PDE3A: variants seen among roughly 807,000 people sequenced by gnomAD.
PDE3A encodes phosphodiesterase 3A.
PDE3A carries 43 observed loss-of-function variants against 98.3 expected under a neutral mutation model. That is an observed-to-expected ratio of 0.44 (90% CI 0.34 to 0.56). The LOEUF (loss-of-function observed/expected upper bound fraction) is 0.56, where lower values mean the gene tolerates loss of function less well. Among genes scored for constraint, PDE3A ranks in the 20% least tolerant of loss-of-function variants. The probability of loss-of-function intolerance (pLI) is 0.01; values close to 1 mark genes in which losing one functional copy is unlikely to be tolerated. For missense variants in PDE3A, 1,427 were observed against 1,440.7 expected (o/e 0.99, Z 0.15); for synonymous variants, 663 against 567.9 (o/e 1.17, Z -2.38).
At chr12:20,627,378 T>A (rs567890821) in intron 5 of PDE3A, among the ~76,000 whole-genome samples, 188 of 151,616 alleles carry the variant, frequency 1.2e-3, no homozygotes, top group Non-Finnish European at 2.0e-3. Context: ...TATCCAGACT[T>A]GCCCAGCAAC....
At chr12:20,403,329 G>A (rs577262610) in intron 1 of PDE3A, among the ~76,000 whole-genome samples, 3 of 152,154 alleles carry the variant, frequency 2.0e-5, no homozygotes, top group East Asian at 1.9e-4. Context: ...TTAGCTGTCC[G>A]GTGTGGTGTG....
chr12:20,570,975 T>A (rs898649337), intron 2 of PDE3A, among the ~76,000 whole-genome samples: 9 of 152,190 alleles, frequency 5.9e-5, no homozygotes, highest in African/African-American at 2.2e-4. Context: ...GTGTTTTAGA[T>A]GAAACTAGAA....
At chr12:20,446,343 T>C (rs1043787720) in intron 1 of PDE3A, among the ~76,000 whole-genome samples, 2 of 152,136 alleles carry the variant, frequency 1.3e-5, no homozygotes, top group Non-Finnish European at 2.9e-5. Flanking sequence ...TGAGGAACCA[T>C]GTGTTGAGTG....
intron 1 of PDE3A, among the ~76,000 whole-genome samples, chr12:20,490,626 AG>A (rs1335041663): frequency 6.6e-6 from 1 of 152,230 alleles, no homozygotes; most frequent in African/African-American, 2.4e-5. Context: ...TGCAATTCAA[AG>A]CAAATTTACT....
chr12:20,643,532 A>G (rs1004564332), intron 10 of PDE3A, among the ~76,000 whole-genome samples: 5 of 152,192 alleles, frequency 3.3e-5, no homozygotes, highest in Non-Finnish European at 5.9e-5. Context: ...CTATTCTTCA[A>G]TCTAAGTGAT....
chr12:20,423,715 T>C (rs1000547389), intron 1 of PDE3A, among the ~76,000 whole-genome samples: 1 of 152,144 alleles, frequency 6.6e-6, no homozygotes, highest in Non-Finnish European at 1.5e-5. Flanking sequence ...CCGTGCCTCC[T>C]CTTAACAGTT....
chr12:20,546,801 T>G (rs141896172), intron 1 of PDE3A, among the ~76,000 whole-genome samples: 51 of 152,204 alleles, frequency 3.4e-4, no homozygotes, highest in Non-Finnish European at 1.0e-4. Context: ...ATGTGGTGCA[T>G]ATTCTATAAA....
chr12:20,668,831 G>A (rs879883500), intron 15 of PDE3A, among the ~76,000 whole-genome samples: 2,883 of 151,212 alleles, frequency 0.019, 83 homozygotes, highest in African/African-American at 0.065. Flanking sequence ...CACCAGCAAC[G>A]GAACAAAGCT....
chr12:20,391,385 A>ATATC (rs1943911216), intron 1 of PDE3A, among the ~76,000 whole-genome samples: 1 of 135,938 alleles, frequency 7.4e-6, no homozygotes, highest in African/African-American at 2.9e-5. Flanking sequence ...ATATATATAT[A>ATATC]TATACACACA....
At chr12:20,571,647 T>A (rs1021780685) in intron 2 of PDE3A, among the ~76,000 whole-genome samples, 6 of 152,196 alleles carry the variant, frequency 3.9e-5, no homozygotes, top group African/African-American at 1.4e-4. Flanking sequence ...TCCTGTACTC[T>A]GGGTGGCATC....
rs117515582 is a variant in PDE3A, at chr12:20,380,250, G to A, written c.960+10006G>A. Among the ~76,000 whole-genome samples, 1,127 of 151,970 alleles carry A rather than the reference G, an allele frequency of 7.4e-3. 21 individuals are homozygous for A. Among genetic ancestry groups the A allele is most frequent in the Admixed American group, 0.039 (600 of 15,208 alleles). ...CAATTACAAAACAAAGTTTGAGATG[G>A]TTGCTTCCAGAGATGACATTGTGAA... On this transcript the variant is annotated intron_variant, in intron 1 of 15. Coordinates refer to ENST00000359062, the MANE Select transcript of PDE3A (RefSeq NM_000921.5).
chr12:20,578,350 T>C (rs919721842), intron 2 of PDE3A, among the ~76,000 whole-genome samples: 1 of 152,112 alleles, frequency 6.6e-6, no homozygotes, highest in Non-Finnish European at 1.5e-5. Flanking sequence ...GTCCTCACTC[T>C]GAGACAGAGA....
intron 1 of PDE3A, among the ~76,000 whole-genome samples, chr12:20,546,602 G>A (rs1466457499): frequency 1.3e-5 from 2 of 152,006 alleles, no homozygotes; most frequent in African/African-American, 4.8e-5. Context: ...AATCAAACAT[G>A]CCCAGGTTAA....
chr12:20,479,455 C>A (rs1213362348), intron 1 of PDE3A, among the ~76,000 whole-genome samples: 1 of 152,194 alleles, frequency 6.6e-6, no homozygotes, highest in Admixed American at 6.5e-5. Context: ...GTTTTCTTCT[C>A]TGCTATCCCT....
intron 1 of PDE3A, among the ~76,000 whole-genome samples, chr12:20,392,931 G>A (rs1387501238): frequency 1.3e-5 from 2 of 151,950 alleles, no homozygotes; most frequent in Non-Finnish European, 2.9e-5. Context: ...AGTGGATCTT[G>A]TGTAGGTAGA....
At chr12:20,611,133 C>T (rs910945375) in intron 2 of PDE3A, among the ~76,000 whole-genome samples, 3 of 151,844 alleles carry the variant, frequency 2.0e-5, no homozygotes, top group Non-Finnish European at 2.9e-5. Context: ...TACATATACA[C>T]ATAACATGTT....
intron 1 of PDE3A, among the ~76,000 whole-genome samples, chr12:20,555,840 G>C (rs773630234): frequency 2.6e-5 from 4 of 152,122 alleles, no homozygotes; most frequent in Non-Finnish European, 5.9e-5. Context: ...GTTGTTTGTT[G>C]TTAAGTCTAC....
intron 10 of PDE3A, among the ~76,000 whole-genome samples, chr12:20,640,619 G>A (rs1944625561): frequency 6.6e-6 from 1 of 152,074 alleles, no homozygotes; most frequent in South Asian, 2.1e-4. Flanking sequence ...GAGTCTTGTG[G>A]GAATAAGTTT....
At chr12:20,402,262 G>C (rs560314727) in intron 1 of PDE3A, among the ~76,000 whole-genome samples, 1 of 151,966 alleles carries the variant, frequency 6.6e-6, no homozygotes, top group Non-Finnish European at 1.5e-5. Context: ...AATTCTCCTG[G>C]CTCAGCCTCC....
Sources: allele counts gnomAD v4.1 joint callset (sites outside exome capture counted in the v4.1 genomes callset), GRCh38; gene constraint gnomAD v4.1.1; transcripts MANE v1.5; gene names NCBI Gene and HGNC (gene_info 2026-07-23, HGNC 2026-07-21).